Variants in FRS2 observed in about 807,000 individuals in gnomAD.
FRS2 encodes the protein FGFR signalling adaptor.
In FRS2, 8 loss-of-function variants were observed where a neutral mutation model predicts 43.9. That is an observed-to-expected ratio of 0.18 (90% CI 0.11 to 0.33). The LOEUF is 0.33. FRS2 is among the 10% of genes least tolerant of loss of function. FRS2 has a pLI of 1.00. For synonymous variants in FRS2, 219 were observed against 220.3 expected (o/e 0.99, Z 0.05); for missense variants, 534 against 627.6 (o/e 0.85, Z 1.59).
intron 3 of FRS2, among the ~76,000 whole-genome samples, chr12:69,547,065 A>C (rs1430775133): frequency 6.6e-6 from 1 of 152,254 alleles, no homozygotes; most frequent in African/African-American, 2.4e-5. Context: ...AATATGCTAC[A>C]ACATGGATGA....
intron 1 of FRS2, among the ~76,000 whole-genome samples, chr12:69,520,016 A>G (rs1042062163): frequency 6.6e-6 from 1 of 152,118 alleles, no homozygotes; most frequent in African/African-American, 2.4e-5. Context: ...GCTAATTTAC[A>G]CTCTCACCAA....
chr12:69,527,063 T>C (rs558375089), intron 1 of FRS2, among the ~76,000 whole-genome samples: 5 of 152,140 alleles, frequency 3.3e-5, no homozygotes, highest in Admixed American at 2.6e-4. Flanking sequence ...GGCCACCCCA[T>C]TGAACCCTGA....
At chr12:69,479,155 T>G (rs1225560997) in intron 1 of FRS2, among the ~76,000 whole-genome samples, 6 of 152,126 alleles carry the variant, frequency 3.9e-5, no homozygotes, top group Admixed American at 3.3e-4. Context: ...TTTTTCTTTG[T>G]GTGAAGTACA....
At chr12:69,536,102 T>C (rs867306456) in intron 3 of FRS2, among the ~76,000 whole-genome samples, 973 of 21,794 alleles carry the variant, frequency 0.045, 14 homozygotes, top group African/African-American at 0.14. Context: ...ATTTTCATTC[T>C]TTTTTTTTTT....
intron 1 of FRS2, among the ~76,000 whole-genome samples, chr12:69,521,144 A>AT (rs1056382231): frequency 1.2e-4 from 18 of 151,462 alleles, no homozygotes; most frequent in South Asian, 2.1e-4. Flanking sequence ...ATTCCTAGGT[A>AT]TTTTTTTTGT....
chr12:69,479,276 A>T (rs1871139055), intron 1 of FRS2, among the ~76,000 whole-genome samples: 1 of 151,844 alleles, frequency 6.6e-6, no homozygotes, highest in South Asian at 2.1e-4. Flanking sequence ...ATTCTAGATT[A>T]GCAGTTGTTT....
intron 1 of FRS2, among the ~76,000 whole-genome samples, chr12:69,478,769 A>G (rs1337172678): frequency 6.9e-6 from 1 of 144,968 alleles, no homozygotes; most frequent in African/African-American, 2.7e-5. Flanking sequence ...TGTGTAAAGA[A>G]TTATATAATG....
chr12:69,477,613 A>G (rs888026008), intron 1 of FRS2, among the ~76,000 whole-genome samples: 3 of 150,978 alleles, frequency 2.0e-5, no homozygotes, highest in African/African-American at 7.3e-5. Context: ...TGATGCTCCT[A>G]AGAGAGAGTG....
chr12:69,494,279 G>A (rs972499002), intron 1 of FRS2, among the ~76,000 whole-genome samples: 1 of 152,146 alleles, frequency 6.6e-6, no homozygotes, highest in Non-Finnish European at 1.5e-5. Context: ...CTTTGAGTGG[G>A]CCAGAGCTCT....
In FRS2 at chr12:69,574,517, G is replaced by A. The variant is rs1335123473; in HGVS notation, c.1089G>A (p.Lys363=). Residue 363 remains lysine (K), a synonymous_variant, in exon 9 of 9, where the codon AAG becomes AAA. Coordinates refer to ENST00000549921, the MANE Select transcript of FRS2 (RefSeq NM_001278356.2). ...TGCCTCCTGTTTGGGAAGCCCGCAA[G>A]CTAAGTAGGGATGAAGATGACAATT... is the stretch of plus-strand genomic sequence containing the variant. ...PSLPPVWEAR[K]LSRDEDDNLG... is the part of the protein sequence containing the mutation. 7 of 1,614,094 alleles carry A rather than the reference G, an allele frequency of 4.3e-6. No individual in the cohort carries two copies. The highest frequency in any genetic ancestry group is 3.3e-5 in the South Asian group (3 of 91,086).
At chr12:69,478,263 CATA>C (rs1871023682) in intron 1 of FRS2, among the ~76,000 whole-genome samples, 1 of 151,812 alleles carries the variant, frequency 6.6e-6, no homozygotes, top group African/African-American at 2.4e-5. Flanking sequence ...GTATTTCTAT[CATA>C]ATAAAATATG....
chr12:69,557,472 G>C (rs973869974), intron 3 of FRS2, among the ~76,000 whole-genome samples: 1 of 152,124 alleles, frequency 6.6e-6, no homozygotes, highest in African/African-American at 2.4e-5. Flanking sequence ...TTAGTGGAGA[G>C]AGCTGTGTGA....
At chr12:69,552,493 A>G (rs1384482801) in intron 3 of FRS2, among the ~76,000 whole-genome samples, 2 of 152,162 alleles carry the variant, frequency 1.3e-5, no homozygotes, top group Non-Finnish European at 1.5e-5. Flanking sequence ...AAGGCTTCTG[A>G]TGCTTAAAAT....
At chr12:69,527,111 A>G (rs549830621) in intron 1 of FRS2, among the ~76,000 whole-genome samples, 1 of 152,116 alleles carries the variant, frequency 6.6e-6, no homozygotes, top group African/African-American at 2.4e-5. Flanking sequence ...ATGGAATAAC[A>G]ATCAGTCATT....
chr12:69,564,063 A>T (rs974256984), intron 4 of FRS2, among the ~76,000 whole-genome samples: 1 of 152,116 alleles, frequency 6.6e-6, no homozygotes, highest in African/African-American at 2.4e-5. Flanking sequence ...TTTTGAATAT[A>T]TTCACACCGT....
At chr12:69,559,935 G>A (rs1359347164) in intron 3 of FRS2, among the ~76,000 whole-genome samples, 2 of 151,964 alleles carry the variant, frequency 1.3e-5, no homozygotes, top group African/African-American at 4.8e-5. Flanking sequence ...TTCTTTCCTG[G>A]TTGTATTTGA....
chr12:69,480,042 C>T (rs559481103), intron 1 of FRS2, among the ~76,000 whole-genome samples: 1 of 152,136 alleles, frequency 6.6e-6, no homozygotes, highest in East Asian at 1.9e-4. Context: ...CTACTTCTCT[C>T]TTCAGCTGTG....
intron 3 of FRS2, among the ~76,000 whole-genome samples, chr12:69,539,641 TA>T (rs1281373179): frequency 6.6e-6 from 1 of 152,032 alleles, no homozygotes; most frequent in African/African-American, 2.4e-5. Context: ...CCTTCTCCTT[TA>T]AAAAGGACCA....
intron 4 of FRS2, among the ~76,000 whole-genome samples, chr12:69,562,509 A>G (rs923647197): frequency 6.6e-6 from 1 of 151,984 alleles, no homozygotes; most frequent in Admixed American, 6.6e-5. Context: ...TTGAACTGCA[A>G]CCATTTTTCT....
Sources: allele counts gnomAD v4.1 joint callset (sites outside exome capture counted in the v4.1 genomes callset), GRCh38; gene constraint gnomAD v4.1.1; transcripts MANE v1.5; gene names NCBI Gene and HGNC (gene_info 2026-07-23, HGNC 2026-07-21).